SUPT4H1: variants seen among roughly 807,000 people sequenced by gnomAD.
The protein encoded by SUPT4H1 is transcription elongation factor SPT4.
SUPT4H1 carries 12 observed loss-of-function variants against 19.4 expected under a neutral mutation model. The observed-to-expected ratio is 0.62, with a 90% confidence interval of 0.40 to 1.00. SUPT4H1 has a LOEUF of 1.00. Ranked by LOEUF, SUPT4H1 falls within the 50% of genes least tolerant of loss-of-function variation. SUPT4H1 has a pLI of 0.00. For missense variants in SUPT4H1, 115 were observed against 149.2 expected (o/e 0.77, Z 1.19); for synonymous variants, 58 against 56.3 (o/e 1.03, Z -0.14).
intron 4 of SUPT4H1, 120 bp downstream of exon 4, chr17:58,347,068 G>C: frequency 2.0e-6 from 2 of 986,572 alleles, no homozygotes; most frequent in Non-Finnish European, 3.2e-6. Context: ...TCTGTGCCTG[G>C]TTCCCCCCAT....
intron 2 of SUPT4H1, among the ~76,000 whole-genome samples, 170 bp downstream of exon 2, chr17:58,351,232 A>G (rs1422723137): frequency 6.9e-6 from 1 of 144,662 alleles, no homozygotes; most frequent in East Asian, 2.0e-4. Context: ...AGCCTGAGCC[A>G]CAGAGCAAAA....
chr17:58,349,809 ACCTAAGGGTG>A (rs906745124), intron 2 of SUPT4H1, among the ~76,000 whole-genome samples: 18 of 152,196 alleles, frequency 1.2e-4, no homozygotes, highest in African/African-American at 4.3e-4. Flanking sequence ...GCCCATAGGT[ACCTAAGGGTG>A]CCTAAGGTGG....
Position 58,346,231 on chromosome 17 carries a change from C to G in SUPT4H1, c.*15G>C. 6.2e-7 allele frequency: 1 copy of G among 1,609,792 alleles called. No individual in the cohort carries two copies. The highest frequency in any genetic ancestry group is 8.5e-7 in the Non-Finnish European group (1 of 1,176,102). ...AGGAGGTGGAGAGCAAAGATGCTGG[C>G]AGCCTTGCATCTTGCTAGGTCTTTA... On this transcript the variant is annotated 3_prime_UTR_variant, in exon 5 of 5. Coordinates refer to ENST00000225504, the MANE Select transcript of SUPT4H1 (RefSeq NM_003168.3).
At chr17:58,347,926 A>C (rs1972351565) in intron 2 of SUPT4H1, among the ~76,000 whole-genome samples, 1 of 152,238 alleles carries the variant, frequency 6.6e-6, no homozygotes, top group Non-Finnish European at 1.5e-5. Context: ...TCTAGGGCCT[A>C]GTGCAAAGAG....
At position 58,345,553 on chromosome 17, in the gene SUPT4H1, T is replaced by G. The variant is rs1376292415; in HGVS notation, c.*693A>C. On this transcript the variant is annotated 3_prime_UTR_variant, in exon 5 of 5. Coordinates refer to ENST00000225504, the MANE Select transcript of SUPT4H1 (RefSeq NM_003168.3). Reference sequence around the variant, plus strand: ...GAGTGCTTGAGACTGGCCTAAGGTATAGGAAGAGCCGTGAAGAGAAGAAAA... The same window carrying G: ...GAGTGCTTGAGACTGGCCTAAGGTAGAGGAAGAGCCGTGAAGAGAAGAAAA... 6.6e-6 allele frequency: 1 copy of G among 151,936 alleles called. No individual in the cohort carries two copies. The highest frequency in any genetic ancestry group is 1.9e-4 in the East Asian group (1 of 5,166). The allele number at this position is 151,936 out of a possible 1,614,324, so 9.4% of individuals were successfully genotyped here. A position where few individuals can be genotyped will look rare whatever the true frequency, so the allele number is the denominator to read the frequency against.
At chr17:58,348,285 C>T (rs1972365586) in intron 2 of SUPT4H1, among the ~76,000 whole-genome samples, 1 of 152,194 alleles carries the variant, frequency 6.6e-6, no homozygotes, top group South Asian at 2.1e-4. Flanking sequence ...TCAACGCATT[C>T]AATCAAATGC....
chr17:58,347,352 C>T (rs1972329475), intron 3 of SUPT4H1, 111 bp from the exon 4 acceptor site: 3 of 1,365,878 alleles, frequency 2.2e-6, no homozygotes, highest in Admixed American at 3.4e-5. Flanking sequence ...GAGCTATTCC[C>T]TCTTTTGGCT....
At chr17:58,346,648 A>G (rs1004626198) in intron 4 of SUPT4H1, among the ~76,000 whole-genome samples, 2 of 146,758 alleles carry the variant, frequency 1.4e-5, no homozygotes, top group Non-Finnish European at 3.0e-5. Flanking sequence ...CCTTGAATCC[A>G]TGAGTTCAAG....
intron 3 of SUPT4H1, 80 bp downstream of exon 3, chr17:58,347,449 C>T (rs1250273120): frequency 1.3e-6 from 2 of 1,549,476 alleles, no homozygotes; most frequent in African/African-American, 1.4e-5. Context: ...ACTCATCTTG[C>T]TGATTTGAGA....
In SUPT4H1 at chr17:58,347,461, T is replaced by C; in HGVS notation, c.232+68A>G. 2.5e-6 allele frequency: 4 copies of C among 1,577,780 alleles called. No homozygotes were observed. In the South Asian group the frequency reaches 3.3e-5, roughly 13 times the overall value. ...GTCACTCATCTTGCTGATTTGAGAC[T>C]CCCTAATGGACCTGAGGAACAGTAA... On this transcript the variant is annotated intron_variant, in intron 3 of 4. Transcript: ENST00000225504.
intron 1 of SUPT4H1, 131 bp downstream of exon 1, chr17:58,351,936 C>G: frequency 2.1e-6 from 2 of 946,014 alleles, no homozygotes; most frequent in East Asian, 2.7e-5. Flanking sequence ...CCTCCTTCGG[C>G]TTCTCACTCC....
chr17:58,346,432 A>G, intron 4 of SUPT4H1, 119 bp from the exon 5 acceptor site: 1 of 808,482 alleles, frequency 1.2e-6, no homozygotes, highest in Non-Finnish European at 2.1e-6. Flanking sequence ...CTACTTATCA[A>G]TCGTCTGCTT....
At chr17:58,351,986 TA>T (rs1263946238) in intron 1 of SUPT4H1, 80 bp downstream of exon 1, 2 of 1,472,640 alleles carry the variant, frequency 1.4e-6, no homozygotes, top group South Asian at 2.3e-5. Flanking sequence ...CTTTTCTCTT[TA>T]CTGTCCCACA....
intron 1 of SUPT4H1, 174 bp from the exon 2 acceptor site, chr17:58,351,682 C>G (rs1972527898): frequency 1.7e-6 from 1 of 586,790 alleles, no homozygotes. Flanking sequence ...GTCCCACCCT[C>G]CCACTCCTTC....
chr17:58,351,325 A>G (rs1478770535), intron 2 of SUPT4H1, 77 bp downstream of exon 2: 1 of 989,164 alleles, frequency 1.0e-6, no homozygotes, highest in Non-Finnish European at 1.5e-6. Context: ...ACTAGGATTA[A>G]CACTTGCCCT....
intron 2 of SUPT4H1, among the ~76,000 whole-genome samples, chr17:58,349,326 G>C (rs1028629547): frequency 6.6e-6 from 1 of 152,230 alleles, no homozygotes. Context: ...TTCCAGGCTA[G>C]CAATTCAGTA....
intron 1 of SUPT4H1, chr17:58,351,815 G>C (rs1972535353): frequency 1.7e-6 from 1 of 574,436 alleles, no homozygotes; most frequent in Admixed American, 3.2e-5. Flanking sequence ...GTGTCTTTCG[G>C]CTCCAACGTA....
intron 2 of SUPT4H1, among the ~76,000 whole-genome samples, chr17:58,350,239 C>T (rs780222670): frequency 2.6e-5 from 4 of 151,960 alleles, no homozygotes; most frequent in South Asian, 2.1e-4. Context: ...TGCAGCCGGG[C>T]GCTGTGGCTC....
intron 4 of SUPT4H1, 77 bp from the exon 5 acceptor site, chr17:58,346,390 G>T (rs977370883): frequency 1.8e-5 from 22 of 1,227,902 alleles, no homozygotes; most frequent in Non-Finnish European, 2.4e-5. Flanking sequence ...CCACCTTGAG[G>T]GGGGTACTAT....
Sources: allele counts gnomAD v4.1 joint callset (sites outside exome capture counted in the v4.1 genomes callset), GRCh38; gene constraint gnomAD v4.1.1; transcripts MANE v1.5; gene names NCBI Gene and HGNC (gene_info 2026-07-23, HGNC 2026-07-21).